The following CLSTN2 variants were observed in gnomAD, a reference collection of about 807,000 sequenced individuals.
CLSTN2 encodes calsyntenin-2.
CLSTN2 carries 48 observed loss-of-function variants against 101.2 expected under a neutral mutation model. The ratio of observed to expected loss-of-function variants is 0.47; its 90% CI spans 0.38 to 0.60. The LOEUF (loss-of-function observed/expected upper bound fraction) is 0.60. Among genes scored for constraint, CLSTN2 ranks in the 20% least tolerant of loss-of-function variants. CLSTN2 has a pLI of 0.00. For synonymous variants in CLSTN2, 481 were observed against 463.6 expected (o/e 1.04, Z -0.48); for missense variants, 1,160 against 1,238.2 (o/e 0.94, Z 0.95).
chr3:140,295,186 A>G (rs188802512), intron 2 of CLSTN2, among the ~76,000 whole-genome samples: 62 of 152,260 alleles, frequency 4.1e-4, no homozygotes, highest in African/African-American at 1.4e-3. Flanking sequence ...TTTTATTATA[A>G]GTGAGTATGA....
chr3:140,017,451 A>C (rs1175223559), intron 1 of CLSTN2, among the ~76,000 whole-genome samples: 2 of 152,228 alleles, frequency 1.3e-5, no homozygotes, highest in African/African-American at 4.8e-5. Flanking sequence ...GGATGCTGAG[A>C]TAACACCTGC....
At chr3:140,429,225 C>A (rs575400904) in intron 5 of CLSTN2, among the ~76,000 whole-genome samples, 1 of 152,058 alleles carries the variant, frequency 6.6e-6, no homozygotes, top group Non-Finnish European at 1.5e-5. Context: ...ATTAGTTAAC[C>A]CTTTAGTGAA....
At chr3:140,189,005 T>C (rs2010522661) in intron 2 of CLSTN2, among the ~76,000 whole-genome samples, 1 of 152,246 alleles carries the variant, frequency 6.6e-6, no homozygotes, top group Non-Finnish European at 1.5e-5. Flanking sequence ...AAATATATGA[T>C]ATGAATGGAA....
chr3:140,492,348 CAT>C (rs1282116120), intron 8 of CLSTN2, among the ~76,000 whole-genome samples: 1 of 152,088 alleles, frequency 6.6e-6, no homozygotes, highest in Non-Finnish European at 1.5e-5. Flanking sequence ...TATTAAAAGA[CAT>C]GTATAATCTT....
At chr3:140,234,823 C>T (rs11717780) in intron 2 of CLSTN2, among the ~76,000 whole-genome samples, 453 of 152,294 alleles carry the variant, frequency 3.0e-3, no homozygotes, top group Middle Eastern at 0.02. Flanking sequence ...TGTTCTTGCA[C>T]CATTGCTTTA....
At chr3:140,511,421 C>T (rs1024940212) in intron 8 of CLSTN2, among the ~76,000 whole-genome samples, 29 of 151,944 alleles carry the variant, frequency 1.9e-4, no homozygotes, top group Admixed American at 9.2e-4. Flanking sequence ...ATTTCTGCCT[C>T]TAGATCTTTG....
chr3:140,374,913 A>G (rs189911926), intron 2 of CLSTN2, among the ~76,000 whole-genome samples: 1 of 152,334 alleles, frequency 6.6e-6, no homozygotes, highest in East Asian at 1.9e-4. Flanking sequence ...TATCACTCCA[A>G]TTATTCCCTC....
intron 1 of CLSTN2, among the ~76,000 whole-genome samples, chr3:140,169,461 T>C (rs897800123): frequency 6.6e-6 from 1 of 152,158 alleles, no homozygotes; most frequent in Non-Finnish European, 1.5e-5. Context: ...TTTAATATTT[T>C]TTCTTGCCTT....
intron 1 of CLSTN2, among the ~76,000 whole-genome samples, chr3:140,111,501 T>C (rs2009155035): frequency 6.6e-6 from 1 of 152,102 alleles, no homozygotes; most frequent in African/African-American, 2.4e-5. Context: ...GCAGAGTCTC[T>C]GTTTAGGCCT....
intron 5 of CLSTN2, among the ~76,000 whole-genome samples, chr3:140,437,801 T>G (rs1178085247): frequency 1.3e-5 from 2 of 152,250 alleles, no homozygotes; most frequent in Non-Finnish European, 2.9e-5. Flanking sequence ...TATCCTCATA[T>G]GAAAATGTTT....
At chr3:140,552,694 C>T (rs1935725025) in intron 10 of CLSTN2, among the ~76,000 whole-genome samples, 1 of 152,134 alleles carries the variant, frequency 6.6e-6, no homozygotes, top group Non-Finnish European at 1.5e-5. Context: ...GCTCAGAGAC[C>T]AACCTCCACT....
At chr3:140,174,740 G>A (rs1393312708) in intron 1 of CLSTN2, among the ~76,000 whole-genome samples, 1 of 152,100 alleles carries the variant, frequency 6.6e-6, no homozygotes, top group Non-Finnish European at 1.5e-5. Flanking sequence ...CAGTGTGGGG[G>A]AAACCACCCC....
intron 1 of CLSTN2, among the ~76,000 whole-genome samples, chr3:140,172,361 C>A (rs1195546510): frequency 6.6e-6 from 1 of 152,040 alleles, no homozygotes; most frequent in Non-Finnish European, 1.5e-5. Flanking sequence ...AATGGAGAGA[C>A]CAGTCAGGAG....
intron 1 of CLSTN2, among the ~76,000 whole-genome samples, chr3:139,951,171 G>A (rs539862390): frequency 6.6e-6 from 1 of 152,200 alleles, no homozygotes; most frequent in Non-Finnish European, 1.5e-5. Flanking sequence ...CAAGCAGAGT[G>A]GTGCCTGGAT....
chr3:140,286,136 G>C (rs2086893884), intron 2 of CLSTN2, among the ~76,000 whole-genome samples: 1 of 152,124 alleles, frequency 6.6e-6, no homozygotes, highest in Admixed American at 6.5e-5. Flanking sequence ...AGCAGCTGTG[G>C]TCCACAACTG....
At chr3:140,454,012 A>G (rs1003853931) in intron 6 of CLSTN2, among the ~76,000 whole-genome samples, 24 of 152,218 alleles carry the variant, frequency 1.6e-4, no homozygotes, top group Admixed American at 1.1e-3. Context: ...GTGTCAGTCT[A>G]CTAGTCATAG....
intron 2 of CLSTN2, among the ~76,000 whole-genome samples, chr3:140,292,488 T>C (rs1282786006): frequency 6.6e-6 from 1 of 152,212 alleles, no homozygotes; most frequent in Non-Finnish European, 1.5e-5. Flanking sequence ...AGTGATGGAC[T>C]CATTCCTCAG....
chr3:140,082,466 A>T (rs1166250937), intron 1 of CLSTN2, among the ~76,000 whole-genome samples: 2 of 152,194 alleles, frequency 1.3e-5, no homozygotes, highest in Non-Finnish European at 2.9e-5. Flanking sequence ...TTTGAAATGA[A>T]CATATCTCCA....
At chr3:140,220,289 A>G (rs551575839) in intron 2 of CLSTN2, among the ~76,000 whole-genome samples, 5 of 152,320 alleles carry the variant, frequency 3.3e-5, no homozygotes, top group African/African-American at 1.2e-4. Flanking sequence ...AATGATCTCA[A>G]TCCTATATAT....
Sources: allele counts gnomAD v4.1 joint callset (sites outside exome capture counted in the v4.1 genomes callset), GRCh38; gene constraint gnomAD v4.1.1; transcripts MANE v1.5; gene names NCBI Gene and HGNC (gene_info 2026-07-23, HGNC 2026-07-21).